Variants in FILIP1L observed in about 807,000 individuals in gnomAD.
FILIP1L encodes the protein filamin A interacting protein 1 like, also known as filamin A-interacting protein 1-like.
Under a neutral mutation model 96.6 loss-of-function variants are expected in FILIP1L, and 55 were observed. The ratio of observed to expected loss-of-function variants is 0.57; its 90% CI spans 0.46 to 0.71. FILIP1L has a LOEUF of 0.71. FILIP1L is among the 30% of genes least tolerant of loss of function. The pLI, the probability that FILIP1L is intolerant of heterozygous loss-of-function variation, is 0.00. For missense variants in FILIP1L, 1,304 were observed against 1,321.2 expected (o/e 0.99, Z 0.20); for synonymous variants, 467 against 473.9 (o/e 0.99, Z 0.19).
At chr3:99,855,194 T>G (rs987908268) in intron 4 of FILIP1L, among the ~76,000 whole-genome samples, 5 of 152,234 alleles carry the variant, frequency 3.3e-5, no homozygotes, top group African/African-American at 1.2e-4. Context: ...CACCCATTTT[T>G]TTCAAAGAAG....
intron 4 of FILIP1L, chr3:99,876,056 G>A: frequency 2.0e-6 from 2 of 985,770 alleles, no homozygotes; most frequent in Non-Finnish European, 2.4e-6. Flanking sequence ...GAGCGAAGTT[G>A]CTCTCCCGGG....
chr3:100,050,151 A>C (rs2065345741), intron 1 of FILIP1L, among the ~76,000 whole-genome samples: 1 of 152,156 alleles, frequency 6.6e-6, no homozygotes, highest in African/African-American at 2.4e-5. Context: ...CAAATTTTTA[A>C]AATTTGTTTA....
intron 5 of FILIP1L, among the ~76,000 whole-genome samples, chr3:99,842,994 TGAG>T (rs1250921522): frequency 2.6e-5 from 4 of 152,160 alleles, no homozygotes; most frequent in Non-Finnish European, 4.4e-5. Flanking sequence ...TGATGTACCT[TGAG>T]GAATGGAAAG....
At chr3:100,026,057 C>G (rs910697646) in intron 1 of FILIP1L, among the ~76,000 whole-genome samples, 1 of 152,106 alleles carries the variant, frequency 6.6e-6, no homozygotes, top group Admixed American at 6.6e-5. Context: ...TTAATGAAAT[C>G]AGAATATGTG....
chr3:100,106,555 A>G (rs2066398655), intron 1 of FILIP1L, among the ~76,000 whole-genome samples: 1 of 152,176 alleles, frequency 6.6e-6, no homozygotes, highest in South Asian at 2.1e-4. Flanking sequence ...TGAGAGCTGG[A>G]GAATGATTTC....
chr3:99,875,987 G>T, intron 4 of FILIP1L: 2 of 898,098 alleles, frequency 2.2e-6, no homozygotes, highest in Non-Finnish European at 2.7e-6. Flanking sequence ...TGCTGAGACA[G>T]CTTTAACAGC....
intron 1 of FILIP1L, among the ~76,000 whole-genome samples, chr3:100,096,155 G>C (rs938144798): frequency 5.9e-5 from 9 of 152,286 alleles, no homozygotes; most frequent in African/African-American, 2.2e-4. Flanking sequence ...CTCATACACT[G>C]TTGGTGGGAA....
intron 1 of FILIP1L, among the ~76,000 whole-genome samples, chr3:100,002,613 A>G (rs1709874573): frequency 1.3e-5 from 2 of 152,218 alleles, no homozygotes; most frequent in Non-Finnish European, 2.9e-5. Context: ...AACCAAATGC[A>G]TATCTGTCCA....
intron 1 of FILIP1L, chr3:100,010,076 G>A: frequency 2.2e-6 from 1 of 457,102 alleles, no homozygotes; most frequent in Non-Finnish European, 2.9e-6. Flanking sequence ...GTATATTGAG[G>A]GTTGAGTACC....
At chr3:99,930,686 C>A in intron 2 of FILIP1L, 83 bp downstream of exon 2, 2 of 1,413,374 alleles carry the variant, frequency 1.4e-6, no homozygotes, top group South Asian at 1.3e-5. Flanking sequence ...CCACAGATAT[C>A]TATTTCTGTG....
In FILIP1L at chr3:99,884,573, C is replaced by T. The variant is rs919728656; in HGVS notation, c.606-33503G>A. On this transcript the variant is annotated intron_variant, in intron 4 of 5. Transcript: ENST00000477258. ...CTGCTGTCTCTGATGTCTCAAACTT[C>T]CTTCCCACTTTATGGGATTCTGTAG... Among the ~76,000 whole-genome samples the T allele has an allele frequency of 3.3e-5, 5 of 152,312 alleles. No homozygotes were observed. In the East Asian group the frequency reaches 9.6e-4, roughly 29 times the overall value.
At chr3:99,841,820 A>G (rs1943144943) in intron 5 of FILIP1L, among the ~76,000 whole-genome samples, 1 of 152,214 alleles carries the variant, frequency 6.6e-6, no homozygotes, top group Non-Finnish European at 1.5e-5. Flanking sequence ...CATAATCAAA[A>G]AAATTAAAAA....
chr3:99,889,670 A>G (rs1706022125), intron 4 of FILIP1L, among the ~76,000 whole-genome samples: 1 of 151,254 alleles, frequency 6.6e-6, no homozygotes, highest in Non-Finnish European at 1.5e-5. Context: ...TTTTATTTTT[A>G]TCTATTTCCT....
At chr3:100,030,831 C>T (rs747230799) in intron 1 of FILIP1L, among the ~76,000 whole-genome samples, 1 of 152,076 alleles carries the variant, frequency 6.6e-6, no homozygotes, top group Non-Finnish European at 1.5e-5. Flanking sequence ...CAATTTATAA[C>T]CTAATAAGGT....
chr3:100,097,500 G>A (rs1025368744), intron 1 of FILIP1L, among the ~76,000 whole-genome samples: 19 of 152,114 alleles, frequency 1.2e-4, no homozygotes, highest in African/African-American at 4.3e-4. Flanking sequence ...TCTAATCCAC[G>A]AACACAGTAT....
chr3:99,841,646 G>A (rs779748492), intron 5 of FILIP1L, among the ~76,000 whole-genome samples: 3 of 152,014 alleles, frequency 2.0e-5, no homozygotes, highest in African/African-American at 2.4e-5. Context: ...CAAAACAGGC[G>A]CAATCCCATC....
intron 1 of FILIP1L, among the ~76,000 whole-genome samples, chr3:100,108,774 G>A (rs2066435875): frequency 6.6e-6 from 1 of 152,086 alleles, no homozygotes; most frequent in Admixed American, 6.6e-5. Context: ...ACATGGCTTG[G>A]GTCTTCTTTT....
intron 4 of FILIP1L, among the ~76,000 whole-genome samples, chr3:99,876,787 C>T (rs1361507680): frequency 2.0e-5 from 3 of 152,048 alleles, no homozygotes; most frequent in Non-Finnish European, 4.4e-5. Context: ...CAGTGTTTTT[C>T]CTGAAAGAAC....
intron 1 of FILIP1L, among the ~76,000 whole-genome samples, chr3:100,012,286 G>A (rs184516719): frequency 9.1e-4 from 139 of 152,106 alleles, no homozygotes; most frequent in African/African-American, 3.1e-3. Context: ...CCAATTAGAA[G>A]GCCTGCCAAA....
Sources: gnomAD v4.1 joint callset for allele counts (sites outside exome capture counted in the v4.1 genomes callset) on GRCh38, gnomAD v4.1.1 for gene constraint, MANE v1.5 for transcripts, NCBI Gene and HGNC (gene_info 2026-07-23, HGNC 2026-07-21) for gene names.